The following KBTBD6 variants were observed in gnomAD, a reference collection of about 807,000 sequenced individuals.
KBTBD6 encodes kelch repeat and BTB domain containing 6, also known as kelch repeat and BTB domain-containing protein 6.
In KBTBD6, 6 loss-of-function variants were observed where a neutral mutation model predicts 34.4. That is an observed-to-expected ratio of 0.17 (90% CI 0.10 to 0.34). The LOEUF (loss-of-function observed/expected upper bound fraction) is 0.34. Among genes scored for constraint, KBTBD6 ranks in the 10% least tolerant of loss-of-function variants. The probability of loss-of-function intolerance (pLI) is 1.00; values close to 1 mark genes in which losing one functional copy is unlikely to be tolerated. For synonymous variants in KBTBD6, 288 were observed against 327.2 expected, an observed-to-expected ratio of 0.88 and a Z score of 1.29; for missense variants, 557 against 856.0, an observed-to-expected ratio of 0.65 and a Z score of 4.36.
chr13:41,130,224 A>G lies in KBTBD6; in HGVS notation c.*263T>C, dbSNP rs2030064601. Reference sequence around the variant, plus strand: ...TGTATCAAAAGACTAAATTAGTGTCATGAAACATAAACATACTAAATAATC... The same window carrying G: ...TGTATCAAAAGACTAAATTAGTGTCGTGAAACATAAACATACTAAATAATC... On this transcript the variant is annotated 3_prime_UTR_variant, in exon 1 of 1. Coordinates refer to ENST00000379485, the MANE Select transcript of KBTBD6 (RefSeq NM_152903.5). This position sits in a 1 kb window ranked among gnomAD's most constrained non-coding sequence, Gnocchi z 4.8. The G allele has an allele frequency of 3.1e-6, 1 of 326,038 alleles. No homozygotes were observed. The highest frequency in any genetic ancestry group is 4.5e-5 in the Admixed American group (1 of 22,226). The allele number at this position is 326,038 out of a possible 1,614,324, so 20.2% of individuals were successfully genotyped here.
Position 41,128,357 on chromosome 13 carries a change from C to G in KBTBD6, c.*2130G>C, listed in dbSNP as rs1007512939. 1 of 374,524 alleles carries G rather than the reference C, an allele frequency of 2.7e-6. No homozygotes were observed. Among genetic ancestry groups the G allele is most frequent in the African/African-American group, 2.1e-5 (1 of 48,202 alleles). The allele number at this position is 374,524 out of a possible 1,614,324, so 23.2% of individuals were successfully genotyped here. A position where few individuals can be genotyped will look rare whatever the true frequency, so the allele number is the denominator to read the frequency against. ...CATCATGTACATGTATCATGTCAAC[C>G]ATTATATATTAAATCTTCAAGAGGT... On this transcript the variant is annotated 3_prime_UTR_variant, in exon 1 of 1. Transcript: ENST00000379485.
rs747622286 is a variant in KBTBD6, at chr13:41,130,496, C to T, written c.2016G>A (p.Ala672=). 18 of 1,611,566 alleles carry T rather than the reference C, an allele frequency of 1.1e-5. No individual in the cohort carries two copies. Among genetic ancestry groups the T allele is most frequent in the Middle Eastern group, 1.6e-4 (1 of 6,068 alleles). Residue 672 remains alanine, a synonymous_variant, in exon 1 of 1, where the codon GCG becomes GCA. Coordinates refer to ENST00000379485, the MANE Select transcript of KBTBD6 (RefSeq NM_152903.5). This position sits in a 1 kb window ranked among gnomAD's most constrained non-coding sequence, Gnocchi z 4.8. ...LSDDDFWVRV[A]PQ ...GTTGATCCTGTGCATTTCACTGAGGCGCTACACGCACCCAAAAATCATCAT... is the reference window on the plus strand; with the variant it reads ...GTTGATCCTGTGCATTTCACTGAGGTGCTACACGCACCCAAAAATCATCAT...
Position 41,131,726 on chromosome 13 carries a change from G to A in KBTBD6, c.786C>T (p.Phe262=), listed in dbSNP as rs771773752. 3 of 1,614,244 alleles carry A rather than the reference G, an allele frequency of 1.9e-6. No individual in the cohort carries two copies. The highest frequency in any genetic ancestry group is 2.5e-6 in the Non-Finnish European group (3 of 1,180,050). The change falls in exon 1 of 1, where the codon TTC becomes TTT. Residue 262 remains phenylalanine, a synonymous_variant. Coordinates refer to ENST00000379485, the MANE Select transcript of KBTBD6 (RefSeq NM_152903.5). The surrounding 1 kb of genome is among the most constrained non-coding windows in gnomAD (Gnocchi z 5.8). ...TGAAGTGCATCCAGCGCACGCACTT[G>A]AAGACTTCTGCAGCACTGGGACCCC... is the stretch of plus-strand genomic sequence containing the variant. ...KERGPSAAEV[F]KCVRWMHFTE...
chr13:41,131,729 G>A lies in KBTBD6; in HGVS notation c.783C>T (p.Val261=). 6.2e-7 allele frequency: 1 copy of A among 1,614,264 alleles called. No individual in the cohort carries two copies. The highest frequency in any genetic ancestry group is 2.2e-5 in the East Asian group (1 of 44,888). ...AGTGCATCCAGCGCACGCACTTGAA[G>A]ACTTCTGCAGCACTGGGACCCCGCT... The part of the protein sequence containing the change: ...PKERGPSAAE[V]FKCVRWMHFT... The change falls in exon 1 of 1, where the codon GTC becomes GTT. Residue 261 remains valine (V), a synonymous_variant. Coordinates refer to ENST00000379485, the MANE Select transcript of KBTBD6 (RefSeq NM_152903.5). The surrounding 1 kb of genome is among the most constrained non-coding windows in gnomAD (Gnocchi z 5.8).
At position 41,131,185 on chromosome 13, in the gene KBTBD6, G is replaced by A. The variant is rs370605552; in HGVS notation, c.1327C>T (p.Arg443Ter). 5 of 1,613,868 alleles carry A rather than the reference G, an allele frequency of 3.1e-6. No homozygotes were observed. The highest frequency in any genetic ancestry group is 3.4e-6 in the Non-Finnish European group (4 of 1,179,980). ...LNGYIYILGG[R>*]DPITGVKLKE... ...AACTTAACTCCAGTAATAGGGTCTC[G>A]CCCCCCCAAAATGTAGATATAGCCA... The change falls in exon 1 of 1, where the codon CGA becomes TGA. Residue 443 changes from arginine (R) to a stop codon, truncating the protein, a stop_gained. Transcript: ENST00000379485. LOFTEE classifies it high-confidence loss of function. This position sits in a 1 kb window ranked among gnomAD's most constrained non-coding sequence, Gnocchi z 5.8.
Position 41,128,284 on chromosome 13 carries a change from A to G in KBTBD6, c.*2203T>C, listed in dbSNP as rs1451418505. On this transcript the variant is annotated 3_prime_UTR_variant, in exon 1 of 1. Transcript: ENST00000379485. ...TTAATGAACAAAGATTAAGGAAGGTAATACTAACAGGATAAAGGAAAATGT... is the reference window on the plus strand; with the variant it reads ...TTAATGAACAAAGATTAAGGAAGGTGATACTAACAGGATAAAGGAAAATGT... 3.0e-6 allele frequency: 1 copy of G among 328,964 alleles called. No individual in the cohort carries two copies. Among genetic ancestry groups the G allele is most frequent in the East Asian group, 4.2e-5 (1 of 23,728 alleles). The allele number at this position is 328,964 out of a possible 1,614,324, so 20.4% of individuals were successfully genotyped here. A position where few individuals can be genotyped will look rare whatever the true frequency, so the allele number is the denominator to read the frequency against.
Position 41,130,467 on chromosome 13 carries a change from C to G in KBTBD6, c.*20G>C. 1 of 1,548,156 alleles carries G rather than the reference C, an allele frequency of 6.5e-7. No individual in the cohort carries two copies. The highest frequency in any genetic ancestry group is 8.8e-7 in the Non-Finnish European group (1 of 1,133,668). On this transcript the variant is annotated 3_prime_UTR_variant, in exon 1 of 1. Coordinates refer to ENST00000379485, the MANE Select transcript of KBTBD6 (RefSeq NM_152903.5). This position sits in a 1 kb window ranked among gnomAD's most constrained non-coding sequence, Gnocchi z 4.8. The stretch of plus-strand genomic sequence containing the variant: ...AGTGTTTCAATCTAGTTACAACAAA[C>G]CCTGTTGATCCTGTGCATTTCACTG...
chr13:41,131,047 G>A lies in KBTBD6; in HGVS notation c.1465C>T (p.Leu489Phe). ...TAACAGAACATGCGCTTACTGTTGA[G>A]AGCATAGAGATAGTCTCGAATTACC... is the stretch of plus-strand genomic sequence containing the variant. ...LMVIRDYLYA[L>F]NSKRMFCYDP... is the part of the protein sequence containing the mutation. The change falls in exon 1 of 1, where the codon CTC becomes TTC. Residue 489 changes from leucine (L) to phenylalanine (F), a missense_variant. Around this residue, in one of 4 missense-constraint regions of KBTBD6, gnomAD observed 309 missense variants for 504.5 expected, o/e 0.61. Transcript: ENST00000379485. This position sits in a 1 kb window ranked among gnomAD's most constrained non-coding sequence, Gnocchi z 5.8. The A allele has an allele frequency of 6.2e-7, 1 of 1,614,134 alleles. No homozygotes were observed. The highest frequency in any genetic ancestry group is 8.5e-7 in the Non-Finnish European group (1 of 1,180,030).
In KBTBD6 at chr13:41,131,785, C is replaced by A. The variant is rs750449752; in HGVS notation, c.727G>T (p.Ala243Ser). ...GGAGCAGCCTCCAGCCACTGCACTG[C>A]CACATGGCACACTGTCTGCTCACTC... ...VESEQTVCHV[A>S]VQWLEAAPKE... Residue 243 changes from alanine to serine, a missense_variant, in exon 1 of 1, where the codon GCA becomes TCA. This residue lies in a region of KBTBD6 where 100 missense variants were observed against 102.1 expected (regional missense o/e 0.98). Transcript: ENST00000379485. This position sits in a 1 kb window ranked among gnomAD's most constrained non-coding sequence, Gnocchi z 5.8. 1.2e-6 allele frequency: 2 copies of A among 1,614,274 alleles called. No individual in the cohort carries two copies. Among genetic ancestry groups the A allele is most frequent in the Non-Finnish European group, 1.7e-6 (2 of 1,180,052 alleles).
At position 41,132,736 on chromosome 13, in the gene KBTBD6, C is replaced by T. The variant is rs1487734212; in HGVS notation, c.-225G>A. The T allele has an allele frequency of 1.2e-5, 7 of 600,664 alleles. No individual in the cohort carries two copies. In the East Asian group the frequency reaches 1.7e-4, roughly 15 times the overall value. 37.2% of individuals were successfully genotyped at this position (600,664 alleles called of 1,614,324 possible). On this transcript the variant is annotated 5_prime_UTR_variant, in exon 1 of 1. Transcript: ENST00000379485. Reference sequence around the variant, plus strand: ...CTCCCGCGTCCTTTCTCCGCGTCTGCTCGCCTTCACAGGACCCGCTGGCTT... The same window carrying T: ...CTCCCGCGTCCTTTCTCCGCGTCTGTTCGCCTTCACAGGACCCGCTGGCTT...
In KBTBD6 at chr13:41,132,655, C is replaced by T. The variant is rs550249203; in HGVS notation, c.-144G>A. The T allele has an allele frequency of 6.0e-5, 55 of 920,628 alleles. No homozygotes were observed. The highest frequency in any genetic ancestry group is 6.8e-4 in the Middle Eastern group (2 of 2,954). The allele number at this position is 920,628 out of a possible 1,614,324, so 57.0% of individuals were successfully genotyped here. ...AGCCCATTTACTGAATTCAACCCTA[C>T]CCCGCAGAACCGCCTCCCGTTATCG... On this transcript the variant is annotated 5_prime_UTR_variant, in exon 1 of 1. Coordinates refer to ENST00000379485, the MANE Select transcript of KBTBD6 (RefSeq NM_152903.5).
In KBTBD6 at chr13:41,130,318, T is replaced by C. The variant is rs1337632237; in HGVS notation, c.*169A>G. 2 of 555,738 alleles carry C rather than the reference T, an allele frequency of 3.6e-6. No homozygotes were observed. Among genetic ancestry groups the C allele is most frequent in the Non-Finnish European group, 6.3e-6 (2 of 318,078 alleles). 34.4% of individuals were successfully genotyped at this position (555,738 alleles called of 1,614,324 possible). On this transcript the variant is annotated 3_prime_UTR_variant, in exon 1 of 1. Coordinates refer to ENST00000379485, the MANE Select transcript of KBTBD6 (RefSeq NM_152903.5). This position sits in a 1 kb window ranked among gnomAD's most constrained non-coding sequence, Gnocchi z 4.8. ...GATTTGAGTGTTAAAATTTGTAACATTAAATTACCTTCGTATTTCAAACAT... is the reference window on the plus strand; with the variant it reads ...GATTTGAGTGTTAAAATTTGTAACACTAAATTACCTTCGTATTTCAAACAT...
rs1220414861 is a variant in KBTBD6, at chr13:41,132,589, T to C, written c.-78A>G. The C allele has an allele frequency of 6.7e-7, 1 of 1,501,286 alleles. No individual in the cohort carries two copies. Among genetic ancestry groups the C allele is most frequent in the African/African-American group, 1.4e-5 (1 of 72,028 alleles). The allele number at this position is 1,501,286 out of a possible 1,614,324, so 93.0% of individuals were successfully genotyped here. On this transcript the variant is annotated 5_prime_UTR_variant, in exon 1 of 1. Transcript: ENST00000379485. Reference sequence around the variant, plus strand: ...TGGCTCCTCCTCAACCTTCCCTCGCTGACGCTAAGATAGCAGCGTCTCCGA... The same window carrying C: ...TGGCTCCTCCTCAACCTTCCCTCGCCGACGCTAAGATAGCAGCGTCTCCGA...
rs1420572492 is a variant in KBTBD6 at position 41,128,732 on chromosome 13, T to C, written c.*1755A>G. ...GAGCTATGATTATAGCTGCAGATGATAGCTGCAGCCCCGAACTCCTAGACT... is the reference window on the plus strand; with the variant it reads ...GAGCTATGATTATAGCTGCAGATGACAGCTGCAGCCCCGAACTCCTAGACT... On this transcript the variant is annotated 3_prime_UTR_variant, in exon 1 of 1. Transcript: ENST00000379485. 2.8e-6 allele frequency: 1 copy of C among 361,010 alleles called. No homozygotes were observed. The highest frequency in any genetic ancestry group is 4.7e-5 in the Admixed American group (1 of 21,176). 22.4% of individuals were successfully genotyped at this position (361,010 alleles called of 1,614,324 possible).
At position 41,131,872 on chromosome 13, in the gene KBTBD6, G is replaced by C; in HGVS notation, c.640C>G (p.Leu214Val). 12 of 1,614,260 alleles carry C rather than the reference G, an allele frequency of 7.4e-6. No homozygotes were observed. Among genetic ancestry groups the C allele is most frequent in the Non-Finnish European group, 1.0e-5 (12 of 1,180,052 alleles). ...SHMGSIREET[L>V]ADLTLAQLLA... ...AGCTGGGCCAGGGTCAGATCTGCTA[G>C]AGTCTCCTCCCGAATTGAACCCATG... is the stretch of plus-strand genomic sequence containing the variant. The change falls in exon 1 of 1, where the codon CTA (leucine) becomes GTA (valine). Residue 214 changes from leucine to valine, a missense_variant. Around this residue, in one of 4 missense-constraint regions of KBTBD6, gnomAD observed 100 missense variants for 102.1 expected, o/e 0.98. Transcript: ENST00000379485. This position sits in a 1 kb window ranked among gnomAD's most constrained non-coding sequence, Gnocchi z 5.8.
chr13:41,130,753 C>A lies in KBTBD6; in HGVS notation c.1759G>T (p.Glu587Ter). The change falls in exon 1 of 1, where the codon GAA (glutamate) becomes TAA (stop). Residue 587 changes from glutamate (E) to a stop codon, truncating the protein, a stop_gained. Transcript: ENST00000379485. LOFTEE classifies it high-confidence loss of function. This position sits in a 1 kb window ranked among gnomAD's most constrained non-coding sequence, Gnocchi z 4.8. Reference protein sequence around the residue: ...QWKKNRVTVYEYDIRGDQWIN... With the variant: ...QWKKNRVTVY ...CATTGGTCTCCCCTAATATCATATT[C>A]ATACACAGTCACCCGGTTCTTTTTC... 6.2e-7 allele frequency: 1 copy of A among 1,614,200 alleles called. No individual in the cohort carries two copies. Among genetic ancestry groups the A allele is most frequent in the Non-Finnish European group, 8.5e-7 (1 of 1,180,044 alleles).
In KBTBD6 at chr13:41,131,284, G is replaced by A; in HGVS notation, c.1228C>T (p.Pro410Ser). The change falls in exon 1 of 1, where the codon CCA becomes TCA. Residue 410 changes from proline (P) to serine (S), a missense_variant. Transcript: ENST00000379485. The surrounding 1 kb of genome is among the most constrained non-coding windows in gnomAD (Gnocchi z 5.8). ...QPRTDLWVYK[P>S]AQNSWQQLAD... ...AGTTGCTGCCAACTATTCTGAGCTGGTTTATACACCCAGAGGTCTGTCCTG... is the reference window on the plus strand; with the variant it reads ...AGTTGCTGCCAACTATTCTGAGCTGATTTATACACCCAGAGGTCTGTCCTG... 1 of 1,614,170 alleles carries A rather than the reference G, an allele frequency of 6.2e-7. No homozygotes were observed. The highest frequency in any genetic ancestry group is 8.5e-7 in the Non-Finnish European group (1 of 1,180,024).
chr13:41,132,545 A>T lies in KBTBD6; in HGVS notation c.-34T>A. On this transcript the variant is annotated 5_prime_UTR_variant, in exon 1 of 1. Coordinates refer to ENST00000379485, the MANE Select transcript of KBTBD6 (RefSeq NM_152903.5). ...TGGCGACGGGCGCTGATGGCGAGAAACGCTGCAGGACCCGGCTCTGGCTCC... is the reference window on the plus strand; with the variant it reads ...TGGCGACGGGCGCTGATGGCGAGAATCGCTGCAGGACCCGGCTCTGGCTCC... 6.3e-7 allele frequency: 1 copy of T among 1,596,912 alleles called. No individual in the cohort carries two copies. Among genetic ancestry groups the T allele is most frequent in the Non-Finnish European group, 8.6e-7 (1 of 1,169,510 alleles).
rs763152398 is a variant in KBTBD6 at position 41,131,036 on chromosome 13, C to T, written c.1476G>A (p.Lys492=). Residue 492 remains lysine (K), a synonymous_variant, in exon 1 of 1, where the codon AAG becomes AAA. Transcript: ENST00000379485. This position sits in a 1 kb window ranked among gnomAD's most constrained non-coding sequence, Gnocchi z 5.8. ...GGCTAGGATCATAACAGAACATGCG[C>T]TTACTGTTGAGAGCATAGAGATAGT... The part of the protein sequence containing the change: ...IRDYLYALNS[K]RMFCYDPSHN... 18 of 1,613,980 alleles carry T rather than the reference C, an allele frequency of 1.1e-5. No individual in the cohort carries two copies. Among genetic ancestry groups the T allele is most frequent in the Non-Finnish European group, 1.5e-5 (18 of 1,180,014 alleles).
Sources: allele counts gnomAD v4.1 joint callset, GRCh38; gene constraint gnomAD v4.1.1; regional missense constraint gnomAD v4.1.1; non-coding constraint Gnocchi (gnomAD v3.1); transcripts MANE v1.5; gene names NCBI Gene and HGNC (gene_info 2026-07-23, HGNC 2026-07-21).